CBLN4: variants seen among roughly 807,000 people sequenced by gnomAD.
CBLN4 encodes cerebellin-4.
In CBLN4, 7 loss-of-function variants were observed where a neutral mutation model predicts 14.9. The ratio of observed to expected loss-of-function variants is 0.47; its 90% CI spans 0.27 to 0.88. The LOEUF (loss-of-function observed/expected upper bound fraction) is 0.88, where lower values mean the gene tolerates loss of function less well. CBLN4 is among the 40% of genes least tolerant of loss of function. The probability of loss-of-function intolerance (pLI) is 0.14; values close to 1 mark genes in which losing one functional copy is unlikely to be tolerated. For missense variants in CBLN4, 188 were observed against 256.8 expected (o/e 0.73, Z 1.83); for synonymous variants, 131 against 116.5 (o/e 1.12, Z -0.80).
At position 56,003,908 on chromosome 20, in the gene CBLN4, G is replaced by C. The variant is rs919581174; in HGVS notation, c.264C>G (p.Asn88Lys). 6.2e-7 allele frequency: 1 copy of C among 1,612,858 alleles called. No individual in the cohort carries two copies. The highest frequency in any genetic ancestry group is 8.5e-7 in the Non-Finnish European group (1 of 1,179,406). ...STNHEPSEMSNKTRIIYFDQI... is the reference protein window; with the variant it reads ...STNHEPSEMSKKTRIIYFDQI... Reference sequence around the variant, plus strand: ...GATCGAAGTAAATGATGCGCGTCTTGTTGCTCATCTCGGATGGCTCGTGGT... The same window carrying C: ...GATCGAAGTAAATGATGCGCGTCTTCTTGCTCATCTCGGATGGCTCGTGGT... Residue 88 changes from asparagine to lysine, a missense_variant, in exon 1 of 3, where the codon AAC becomes AAG. By Grantham distance (94) the Asn-to-Lys change is moderately conservative. Transcript: ENST00000064571.
At chr20:56,000,270 C>T (rs1986346640) in intron 2 of CBLN4, among the ~76,000 whole-genome samples, 2 of 152,258 alleles carry the variant, frequency 1.3e-5, no homozygotes, top group South Asian at 4.1e-4. Context: ...TTGAATAGTT[C>T]CTCCTTCATA....
rs896099808 is a variant in CBLN4 at position 55,997,402 on chromosome 20, T to C, written c.*1155A>G. The C allele has an allele frequency of 1.3e-5, 2 of 152,462 alleles. No individual in the cohort carries two copies. The highest frequency in any genetic ancestry group is 2.4e-5 in the African/African-American group (1 of 41,434). 9.4% of individuals were successfully genotyped at this position (152,462 alleles called of 1,614,324 possible). ...GTAAGAGGAAATAAATAATGTAGAA[T>C]ACATATTTCCAAAACGGAAAGAAAA... On this transcript the variant is annotated 3_prime_UTR_variant, in exon 3 of 3. Coordinates refer to ENST00000064571, the MANE Select transcript of CBLN4 (RefSeq NM_080617.6).
At chr20:55,999,644 A>G (rs1358992297) in intron 2 of CBLN4, among the ~76,000 whole-genome samples, 2 of 152,214 alleles carry the variant, frequency 1.3e-5, no homozygotes, top group African/African-American at 2.4e-5. Flanking sequence ...AAACCAAAAA[A>G]TAAAAAATAA....
rs1986354725 is a variant in CBLN4 at position 56,000,788 on chromosome 20, T to C, written c.351A>G (p.Lys117=). 6.2e-7 allele frequency: 1 copy of C among 1,603,008 alleles called. No individual in the cohort carries two copies. The highest frequency in any genetic ancestry group is 8.5e-7 in the Non-Finnish European group (1 of 1,174,934). Residue 117 remains lysine (K), a synonymous_variant, in exon 2 of 3, where the codon AAA becomes AAG. Transcript: ENST00000064571. The part of the protein sequence containing the change: ...TLESVFVAPR[K]GIYSFSFHVI... ...CGTGAAAACTGAAACTGTAAATTCC[T>C]TTTCTTGGTGCTACAAAGACAGACT... is the stretch of plus-strand genomic sequence containing the variant.
At chr20:56,002,869 C>T (rs1201100642) in intron 1 of CBLN4, among the ~76,000 whole-genome samples, 1 of 152,190 alleles carries the variant, frequency 6.6e-6, no homozygotes, top group Non-Finnish European at 1.5e-5. Context: ...TTAACCTGTG[C>T]CCCCTGCACA....
Position 56,004,539 on chromosome 20 carries a change from A to C in CBLN4, c.-368T>G. 3 of 190,688 alleles carry C rather than the reference A, an allele frequency of 1.6e-5. No homozygotes were observed. Among genetic ancestry groups the C allele is most frequent in the Non-Finnish European group, 2.1e-5 (2 of 94,406 alleles). The allele number at this position is 190,688 out of a possible 1,614,324, so 11.8% of individuals were successfully genotyped here. A position where few individuals can be genotyped will look rare whatever the true frequency, so the allele number is the denominator to read the frequency against. On this transcript the variant is annotated 5_prime_UTR_variant, in exon 1 of 3. Coordinates refer to ENST00000064571, the MANE Select transcript of CBLN4 (RefSeq NM_080617.6). This position sits in a 1 kb window ranked among gnomAD's most constrained non-coding sequence, Gnocchi z 6.1. ...AGGCAAAAAATAATAATAATAATAA[A>C]TTCTCACCCCAAACTCAAGCACCAC...
intron 1 of CBLN4, among the ~76,000 whole-genome samples, chr20:56,003,673 G>C (rs754387733): frequency 2.6e-5 from 4 of 152,208 alleles, no homozygotes; most frequent in Non-Finnish European, 4.4e-5. Context: ...CCTCTTTTAG[G>C]GGCCCGGAAG....
rs1470481034 is a variant in CBLN4, at chr20:55,998,186, C to T, written c.*371G>A. ...CACTAACCGTTGATTGAAGTCAGAACTTTAGAGTTTTCTAATCCTTAGACC... is the reference window on the plus strand; with the variant it reads ...CACTAACCGTTGATTGAAGTCAGAATTTTAGAGTTTTCTAATCCTTAGACC... On this transcript the variant is annotated 3_prime_UTR_variant, in exon 3 of 3. Coordinates refer to ENST00000064571, the MANE Select transcript of CBLN4 (RefSeq NM_080617.6). The T allele has an allele frequency of 1.3e-5, 3 of 223,826 alleles. 1 individual carries two copies. The Admixed American group carries it at 1.6e-4, about 12-fold the overall frequency. The allele number at this position is 223,826 out of a possible 1,614,324, so 13.9% of individuals were successfully genotyped here. A position where few individuals can be genotyped will look rare whatever the true frequency, so the allele number is the denominator to read the frequency against.
At position 55,998,370 on chromosome 20, in the gene CBLN4, T is replaced by C; in HGVS notation, c.*187A>G. On this transcript the variant is annotated 3_prime_UTR_variant, in exon 3 of 3. Coordinates refer to ENST00000064571, the MANE Select transcript of CBLN4 (RefSeq NM_080617.6). ...GCTTAGAGTCCCAATCCAAATATAC[T>C]GAAACAGACACACACAAATAATCTG... The C allele has an allele frequency of 3.1e-6, 2 of 635,634 alleles. No individual in the cohort carries two copies. The highest frequency in any genetic ancestry group is 2.7e-6 in the Non-Finnish European group (1 of 370,068). 39.4% of individuals were successfully genotyped at this position (635,634 alleles called of 1,614,324 possible).
chr20:56,003,938 GCT>G lies in CBLN4; in HGVS notation c.232_233del (p.Ser78HisfsTer26). 1 of 1,613,804 alleles carries G rather than the reference GCT, an allele frequency of 6.2e-7. No individual in the cohort carries two copies. The highest frequency in any genetic ancestry group is 8.5e-7 in the Non-Finnish European group (1 of 1,179,946). ...NSKVAFSAVR[S>X]TNHEPSEMSN... ...TCATCTCGGATGGCTCGTGGTTGGT[GCT>G]CCGCACCGCCGAGAAGGCGACCTTG... On this transcript the variant is annotated frameshift_variant, in exon 1 of 3. Coordinates refer to ENST00000064571, the MANE Select transcript of CBLN4 (RefSeq NM_080617.6). LOFTEE classifies it high-confidence loss of function.
In CBLN4 at chr20:56,005,188, A is replaced by C. The variant is rs1986447668; in HGVS notation, c.-1017T>G. 1 of 152,902 alleles carries C rather than the reference A, an allele frequency of 6.5e-6. No homozygotes were observed. Among genetic ancestry groups the C allele is most frequent in the South Asian group, 2.1e-4 (1 of 4,840 alleles). The allele number at this position is 152,902 out of a possible 1,614,324, so 9.5% of individuals were successfully genotyped here. A position where few individuals can be genotyped will look rare whatever the true frequency, so the allele number is the denominator to read the frequency against. On this transcript the variant is annotated 5_prime_UTR_variant, in exon 1 of 3. Coordinates refer to ENST00000064571, the MANE Select transcript of CBLN4 (RefSeq NM_080617.6). ...GGTTCGAGGCCCCTCAGCCCCTGAAAGCCCGTGGCGTAAAGGATGCGTGCC... is the reference window on the plus strand; with the variant it reads ...GGTTCGAGGCCCCTCAGCCCCTGAACGCCCGTGGCGTAAAGGATGCGTGCC...
In CBLN4 at chr20:56,000,816, A is replaced by T. The variant is rs1370505303; in HGVS notation, c.323T>A (p.Leu108Ter). ...ILVNVGNFFT[L>*]ESVFVAPRKG... ...TCTTGGTGCTACAAAGACAGACTCCAATGTGAAAAAATTACCCACATTCAC... is the reference window on the plus strand; with the variant it reads ...TCTTGGTGCTACAAAGACAGACTCCTATGTGAAAAAATTACCCACATTCAC... Residue 108 changes from leucine (L) to a stop codon, truncating the protein, a stop_gained, in exon 2 of 3, where the codon TTG (leucine) becomes TAG (stop). Transcript: ENST00000064571. LOFTEE classifies it high-confidence loss of function. 1.3e-6 allele frequency: 2 copies of T among 1,587,742 alleles called. No homozygotes were observed. Among genetic ancestry groups the T allele is most frequent in the Admixed American group, 3.5e-5 (2 of 56,672 alleles).
intron 1 of CBLN4, among the ~76,000 whole-genome samples, chr20:56,001,065 A>G (rs1251551232): frequency 6.6e-6 from 1 of 152,058 alleles, no homozygotes; most frequent in Non-Finnish European, 1.5e-5. Context: ...CTAGTTCTGT[A>G]TCTTTCCTCT....
rs1263432615 is a variant in CBLN4, at chr20:56,004,407, C to A, written c.-236G>T. 1 of 456,240 alleles carries A rather than the reference C, an allele frequency of 2.2e-6. No homozygotes were observed. The highest frequency in any genetic ancestry group is 3.7e-5 in the East Asian group (1 of 27,384). The allele number at this position is 456,240 out of a possible 1,614,324, so 28.3% of individuals were successfully genotyped here. On this transcript the variant is annotated 5_prime_UTR_variant, in exon 1 of 3. In the 5' UTR this introduces an upstream ATG that the reference lacks. Transcript: ENST00000064571. This position sits in a 1 kb window ranked among gnomAD's most constrained non-coding sequence, Gnocchi z 6.1. ...TCCTTTAAGGAGCTCATGCAGCACC[C>A]TTTACCCTACTCTCCTCCGCCCAAG...
At position 55,997,943 on chromosome 20, in the gene CBLN4, G is replaced by A. The variant is rs1986305668; in HGVS notation, c.*614C>T. The A allele has an allele frequency of 6.6e-6, 1 of 151,868 alleles. No homozygotes were observed. The highest frequency in any genetic ancestry group is 1.9e-4 in the East Asian group (1 of 5,172). 9.4% of individuals were successfully genotyped at this position (151,868 alleles called of 1,614,324 possible). ...TATACAATTAAAATACAACTATGAA[G>A]CATTCTTTTTTTTTGAGAGAAGTCA... On this transcript the variant is annotated 3_prime_UTR_variant, in exon 3 of 3. Transcript: ENST00000064571.
chr20:56,000,719 C>G lies in CBLN4; in HGVS notation c.408+12G>C. 1 of 1,458,722 alleles carries G rather than the reference C, an allele frequency of 6.9e-7. No individual in the cohort carries two copies. Among genetic ancestry groups the G allele is most frequent in the Non-Finnish European group, 9.4e-7 (1 of 1,069,046 alleles). The allele number at this position is 1,458,722 out of a possible 1,614,324, so 90.4% of individuals were successfully genotyped here. On this transcript the variant is annotated intron_variant, in intron 2 of 2. Coordinates refer to ENST00000064571, the MANE Select transcript of CBLN4 (RefSeq NM_080617.6). Reference sequence around the variant, plus strand: ...GGTTGAGAGTATGGATGGAAGAGGTCAAAACACACACCTGGATAGTTTGGC... The same window carrying G: ...GGTTGAGAGTATGGATGGAAGAGGTGAAAACACACACCTGGATAGTTTGGC...
intron 1 of CBLN4, among the ~76,000 whole-genome samples, chr20:56,001,536 G>T (rs1259559204): frequency 6.6e-6 from 1 of 152,114 alleles, no homozygotes; most frequent in East Asian, 1.9e-4. Context: ...TGCCAGCTAG[G>T]CCTTAATTAT....
At chr20:56,001,001 G>C (rs894287337) in intron 1 of CBLN4, among the ~76,000 whole-genome samples, 154 bp from the exon 2 acceptor site, 4 of 131,304 alleles carry the variant, frequency 3.0e-5, no homozygotes, top group Non-Finnish European at 4.9e-5. Flanking sequence ...TTTTTCTTTT[G>C]TTCATTCATT....
Position 55,998,772 on chromosome 20 carries a change from A to G in CBLN4, c.409-18T>C. On this transcript the variant is annotated intron_variant, in intron 2 of 2. Coordinates refer to ENST00000064571, the MANE Select transcript of CBLN4 (RefSeq NM_080617.6). ...AAGTTAACCTAGAAGAAGAAAAATA[A>G]TAATAATTGAAAAGTTCTCTTTAAA... The G allele has an allele frequency of 6.3e-7, 1 of 1,586,696 alleles. No homozygotes were observed. Among genetic ancestry groups the G allele is most frequent in the African/African-American group, 1.3e-5 (1 of 74,304 alleles).
Sources: allele counts gnomAD v4.1 joint callset (sites outside exome capture counted in the v4.1 genomes callset), GRCh38; gene constraint gnomAD v4.1.1; non-coding constraint Gnocchi (gnomAD v3.1); transcripts MANE v1.5; gene names NCBI Gene and HGNC (gene_info 2026-07-23, HGNC 2026-07-21).